The following INPP4B variants were observed in gnomAD, a reference collection of about 807,000 sequenced individuals.
INPP4B encodes inositol polyphosphate-4-phosphatase type II B.
Under a neutral mutation model 122.5 loss-of-function variants are expected in INPP4B, and 55 were observed. The observed-to-expected ratio is 0.45, with a 90% CI of 0.36 to 0.56. The LOEUF is 0.56. Ranked by LOEUF, INPP4B falls within the 20% of genes least tolerant of loss-of-function variation. The pLI, the probability that INPP4B is intolerant of heterozygous loss-of-function variation, is 0.00. For missense variants in INPP4B, 1,000 were observed against 1,097.7 expected (o/e 0.91, Z 1.26); for synonymous variants, 403 against 388.7 (o/e 1.04, Z -0.43).
At chr4:142,398,407 T>C (rs1254414184) in intron 7 of INPP4B, among the ~76,000 whole-genome samples, 1 of 11,170 alleles carries the variant, frequency 9.0e-5, no homozygotes, top group African/African-American at 2.5e-4. Flanking sequence ...AAAAAATATA[T>C]ATATATATAT....
chr4:142,523,896 G>C (rs561961529), intron 2 of INPP4B, among the ~76,000 whole-genome samples: 1 of 144,156 alleles, frequency 6.9e-6, no homozygotes, highest in South Asian at 2.3e-4. Context: ...CTATGAGTGA[G>C]AATATGCGGT....
At chr4:142,622,144 C>A (rs1456418619) in intron 2 of INPP4B, among the ~76,000 whole-genome samples, 2 of 151,904 alleles carry the variant, frequency 1.3e-5, no homozygotes, top group African/African-American at 2.4e-5. Context: ...TGCAGCTTTG[C>A]AATTTTATGG....
At chr4:142,402,231 T>G (rs991907049) in intron 7 of INPP4B, among the ~76,000 whole-genome samples, 1 of 152,174 alleles carries the variant, frequency 6.6e-6, no homozygotes, top group Non-Finnish European at 1.5e-5. Context: ...TACAAATTCA[T>G]GCTAATGGAA....
intron 2 of INPP4B, among the ~76,000 whole-genome samples, chr4:142,555,261 G>A (rs1228073138): frequency 6.6e-6 from 1 of 152,202 alleles, no homozygotes; most frequent in African/African-American, 2.4e-5. Context: ...GGTCACTCGG[G>A]CACACTGTGA....
chr4:142,119,863 T>C (rs574905528), intron 21 of INPP4B, among the ~76,000 whole-genome samples: 1 of 146,514 alleles, frequency 6.8e-6, no homozygotes, highest in South Asian at 2.1e-4. Flanking sequence ...ATATGAGTTC[T>C]ATATATATAT....
chr4:142,577,577 T>A (rs983193576), intron 2 of INPP4B, among the ~76,000 whole-genome samples: 2 of 152,018 alleles, frequency 1.3e-5, no homozygotes, highest in Non-Finnish European at 2.9e-5. Flanking sequence ...CATTTTGCTA[T>A]ATGAAAGTCA....
At chr4:142,455,638 A>G (rs941222534) in intron 3 of INPP4B, among the ~76,000 whole-genome samples, 1 of 152,038 alleles carries the variant, frequency 6.6e-6, no homozygotes, top group Non-Finnish European at 1.5e-5. Flanking sequence ...TATCTCTTCT[A>G]TATACTGTTT....
At position 142,785,941 on chromosome 4, in the gene INPP4B, G is replaced by A. The variant is rs1226097611; in HGVS notation, c.-253-60040C>T. Among the ~76,000 whole-genome samples the A allele has an allele frequency of 5.9e-5, 9 of 152,184 alleles. No homozygotes were observed. In the East Asian group the frequency reaches 1.7e-3, roughly 29 times the overall value. ...CCAGGGGGGTTGGAGGGGACACCTT[G>A]CATTTAGAGAAATAAGGATAAATAT... On this transcript the variant is annotated intron_variant, in intron 1 of 25. Transcript: ENST00000262992.
intron 15 of INPP4B, among the ~76,000 whole-genome samples, chr4:142,182,039 T>G (rs1232576298): frequency 1.3e-5 from 2 of 152,180 alleles, no homozygotes; most frequent in African/African-American, 2.4e-5. Flanking sequence ...CATTGCACAC[T>G]TATTAAGAGG....
chr4:142,086,061 G>T, intron 24 of INPP4B, 83 bp downstream of exon 24: 1 of 907,046 alleles, frequency 1.1e-6, no homozygotes, highest in Non-Finnish European at 1.8e-6. Context: ...AAGTGCAGAG[G>T]TTGGACCCTG....
At chr4:142,245,270 T>C (rs1012452368) in intron 11 of INPP4B, among the ~76,000 whole-genome samples, 2 of 152,230 alleles carry the variant, frequency 1.3e-5, no homozygotes, top group African/African-American at 4.8e-5. Context: ...TTTGGTGTTT[T>C]AGTCATGAAG....
chr4:142,074,763 A>G (rs1769597468), intron 25 of INPP4B, among the ~76,000 whole-genome samples: 1 of 152,142 alleles, frequency 6.6e-6, no homozygotes, highest in African/African-American at 2.4e-5. Flanking sequence ...TCAGCTGAAG[A>G]AAATAAGTTG....
rs73850524 is a variant in INPP4B at position 142,646,099 on chromosome 4, C to A, written c.-191+79740G>T. ...CAAGAGCACCTTTTTGGATGATGGA[C>A]CCTTGCTATATTTTGTTTGTAGTCA... On this transcript the variant is annotated intron_variant, in intron 2 of 25. Transcript: ENST00000262992. 4.6e-5 allele frequency among the ~76,000 whole-genome samples: 7 copies of A among 152,174 alleles called. No homozygotes were observed. In the Middle Eastern group the frequency reaches 0.014, roughly 296 times the overall value.
chr4:142,129,618 C>T (rs543762520), intron 18 of INPP4B, among the ~76,000 whole-genome samples: 1 of 152,182 alleles, frequency 6.6e-6, no homozygotes, highest in South Asian at 2.1e-4. Context: ...AGGCTAATTC[C>T]AGACAATAGA....
At chr4:142,209,453 G>C (rs1724833768) in intron 12 of INPP4B, among the ~76,000 whole-genome samples, 2 of 152,008 alleles carry the variant, frequency 1.3e-5, no homozygotes, top group African/African-American at 4.8e-5. Flanking sequence ...GAGATACTTA[G>C]TCAATTCAGT....
intron 2 of INPP4B, among the ~76,000 whole-genome samples, chr4:142,485,197 G>C (rs78442539): frequency 0.033 from 5,011 of 152,158 alleles, 307 homozygotes; most frequent in African/African-American, 0.12. Context: ...AGAAAGCTGA[G>C]AGAAGAGAAC....
intron 1 of INPP4B, among the ~76,000 whole-genome samples, chr4:142,832,700 A>T (rs985258708): frequency 5.9e-5 from 9 of 152,136 alleles, no homozygotes; most frequent in African/African-American, 2.2e-4. Flanking sequence ...ATATTTGTTT[A>T]AATTTAATTT....
intron 15 of INPP4B, among the ~76,000 whole-genome samples, chr4:142,185,446 C>T (rs1400515946): frequency 2.0e-5 from 3 of 151,272 alleles, no homozygotes; most frequent in Non-Finnish European, 2.9e-5. Context: ...CTACTTCACA[C>T]GTGAATAATA....
At chr4:142,247,514 T>C (rs1729512260) in intron 11 of INPP4B, among the ~76,000 whole-genome samples, 1 of 152,188 alleles carries the variant, frequency 6.6e-6, no homozygotes, top group Non-Finnish European at 1.5e-5. Flanking sequence ...TCTGGTTTAG[T>C]CTTGGGAGGG....
Sources: allele counts gnomAD v4.1 joint callset (sites outside exome capture counted in the v4.1 genomes callset), GRCh38; gene constraint gnomAD v4.1.1; transcripts MANE v1.5; gene names NCBI Gene and HGNC (gene_info 2026-07-23, HGNC 2026-07-21).